The following SGCA variants were observed in gnomAD, a reference collection of about 807,000 sequenced individuals.
SGCA encodes the protein alpha-sarcoglycan.
SGCA carries 34 observed loss-of-function variants against 38.1 expected under a neutral mutation model. That is an observed-to-expected ratio of 0.89 (90% CI 0.68 to 1.19). SGCA has a LOEUF of 1.19. SGCA is among the 50% of genes most tolerant of loss of function. SGCA has a pLI of 0.00. For synonymous variants in SGCA, 209 were observed against 214.6 expected, an observed-to-expected ratio of 0.97 and a Z score of 0.23; for missense variants, 476 against 524.9, an observed-to-expected ratio of 0.91 and a Z score of 0.91.
At chr17:50,166,623 T>C (rs1243512750) in intron 1 of SGCA, among the ~76,000 whole-genome samples, 1 of 151,776 alleles carries the variant, frequency 6.6e-6, no homozygotes, top group Non-Finnish European at 1.5e-5. Flanking sequence ...GCATTTAGCA[T>C]GGGATTCTTT....
chr17:50,170,020 G>T, intron 6 of SGCA, 123 bp from the exon 7 acceptor site: 1 of 795,620 alleles, frequency 1.3e-6, no homozygotes. Flanking sequence ...GCTAACCAGT[G>T]CACTGTCCCG....
At chr17:50,169,778 A>T (rs1342300674) in intron 6 of SGCA, 1 of 410,902 alleles carries the variant, frequency 2.4e-6, no homozygotes, top group Non-Finnish European at 4.6e-6. Context: ...CAGAGCAGGG[A>T]CTCATTCAGG....
chr17:50,171,434 A>G, intron 8 of SGCA: 1 of 447,712 alleles, frequency 2.2e-6, no homozygotes, highest in Non-Finnish European at 4.5e-6. Context: ...GATGTGAAAT[A>G]AGTTATGTTC....
chr17:50,170,173 G>A lies in SGCA; in HGVS notation c.778G>A (p.Glu260Lys), dbSNP rs1370157871. 2 of 1,614,052 alleles carry A rather than the reference G, an allele frequency of 1.2e-6. No individual in the cohort carries two copies. Among genetic ancestry groups the A allele is most frequent in the Non-Finnish European group, 1.7e-6 (2 of 1,180,036 alleles). Residue 260 changes from glutamate (E) to lysine (K), a missense_variant, in exon 7 of 10, where the codon GAG becomes AAG. Glu to Lys is a moderately conservative substitution (Grantham distance 56). Transcript: ENST00000262018. ...VDKSVPEPADEVPTPGDGILE... is the reference protein window; with the variant it reads ...VDKSVPEPADKVPTPGDGILE... ...TAAGTCAGTGCCGGAGCCTGCAGAT[G>A]AGGTGCCCACCCCAGGTGATGGGAT...
chr17:50,175,484 G>A, intron 9 of SGCA, 35 bp downstream of exon 9: 1 of 1,562,006 alleles, frequency 6.4e-7, no homozygotes, highest in Admixed American at 1.7e-5. Flanking sequence ...CTTATTTCTG[G>A]GAACAAGATG....
In SGCA at chr17:50,169,271, G is replaced by T. The variant is rs1314130846; in HGVS notation, c.747+17G>T. 3 of 1,602,200 alleles carry T rather than the reference G, an allele frequency of 1.9e-6. No homozygotes were observed. The African/African-American group carries it at 4.0e-5, about 21-fold the overall frequency. On this transcript the variant is annotated intron_variant, in intron 6 of 9. Coordinates refer to ENST00000262018, the MANE Select transcript of SGCA (RefSeq NM_000023.4). ...GTGACCCTGGTGAGGAGGGACCCTG[G>T]GTCCGGGGGTGGGGTGGGGCATGGC... is the stretch of plus-strand genomic sequence containing the variant.
At chr17:50,166,454 A>G (rs968138308) in intron 1 of SGCA, among the ~76,000 whole-genome samples, 20 of 151,918 alleles carry the variant, frequency 1.3e-4, no homozygotes, top group Non-Finnish European at 2.7e-4. Context: ...CCTCTCTTGG[A>G]CTTAGGATTC....
intron 8 of SGCA, among the ~76,000 whole-genome samples, chr17:50,174,037 G>A (rs1905712159): frequency 6.6e-6 from 1 of 152,190 alleles, no homozygotes; most frequent in Non-Finnish European, 1.5e-5. Context: ...ACCAATTCTT[G>A]GCTGGGTGCA....
chr17:50,168,562 C>T lies in SGCA; in HGVS notation c.574C>T (p.Arg192Ter), dbSNP rs387907298. 8 of 1,566,376 alleles carry T rather than the reference C, an allele frequency of 5.1e-6. No individual in the cohort carries two copies. The highest frequency in any genetic ancestry group is 6.9e-6 in the Non-Finnish European group (8 of 1,154,796). The change falls in exon 5 of 10, where the codon CGA becomes TGA. Residue 192 changes from arginine to a stop codon, truncating the protein, a stop_gained. Coordinates refer to ENST00000262018, the MANE Select transcript of SGCA (RefSeq NM_000023.4). LOFTEE classifies it high-confidence loss of function. ...CCGTGTCCCCCTTCCCATTGAGGGC[C>T]GAAAAGAAGGGTAGGTGTGCAACCC... ...GGRVPLPIEG[R>*]KEGVYIKVGS...
chr17:50,172,126 G>A (rs934137322), intron 8 of SGCA: 29 of 456,400 alleles, frequency 6.4e-5, no homozygotes, highest in Middle Eastern at 3.2e-4. Context: ...GGTGTGTCCC[G>A]GTTCCTGGTC....
chr17:50,169,414 T>TACGC, intron 6 of SGCA, 160 bp downstream of exon 6: 1 of 479,800 alleles, frequency 2.1e-6, no homozygotes, highest in Non-Finnish European at 3.7e-6. Context: ...AGTCTGAGGA[T>TACGC]ACACACACAC....
At chr17:50,173,452 CT>C (rs1349488450) in intron 8 of SGCA, among the ~76,000 whole-genome samples, 67 of 17,046 alleles carry the variant, frequency 3.9e-3, no homozygotes, top group Admixed American at 0.021. Context: ...TGCCGTTTGT[CT>C]GTCTGCCCAA....
At position 50,167,291 on chromosome 17, in the gene SGCA, TTGG is replaced by T; in HGVS notation, c.38-73_38-71del. 5.0e-6 allele frequency: 8 copies of T among 1,602,898 alleles called. No homozygotes were observed. Among genetic ancestry groups the T allele is most frequent in the Non-Finnish European group, 6.8e-6 (8 of 1,172,818 alleles). On this transcript the variant is annotated intron_variant, in intron 1 of 9. Transcript: ENST00000262018. The surrounding 1 kb of genome is among the most constrained non-coding windows in gnomAD (Gnocchi z 4.5). ...TCGGTCCCTTAGGGGCTCCAAGGAC[TTGG>T]TGGGGAAGGGAGCTTATCCCCTGCC...
intron 1 of SGCA, 62 bp downstream of exon 1, chr17:50,166,139 A>G: frequency 7.0e-7 from 1 of 1,436,168 alleles, no homozygotes; most frequent in South Asian, 1.1e-5. Flanking sequence ...TAGGGGTGGT[A>G]AGACGGAGGT....
chr17:50,169,121 CTT>C lies in SGCA; in HGVS notation c.618_619del (p.Ser207TyrfsTer11). 4 of 1,613,970 alleles carry C rather than the reference CTT, an allele frequency of 2.5e-6. No homozygotes were observed. Among genetic ancestry groups the C allele is most frequent in the Non-Finnish European group, 3.4e-6 (4 of 1,180,014 alleles). On this transcript the variant is annotated frameshift_variant, in exon 6 of 10. Coordinates refer to ENST00000262018, the MANE Select transcript of SGCA (RefSeq NM_000023.4). LOFTEE classifies it high-confidence loss of function. ...TACATTAAGGTGGGTTCTGCCTCAC[CTT>C]TTTCTACTTGCCTGAAGATGGTGGC... is the stretch of plus-strand genomic sequence containing the variant.
Position 50,167,563 on chromosome 17 carries a change from C to T in SGCA, c.158-19C>T. The T allele has an allele frequency of 1.2e-6, 2 of 1,613,650 alleles. No individual in the cohort carries two copies. The highest frequency in any genetic ancestry group is 4.5e-5 in the East Asian group (2 of 44,890). ...GGGCTCCTGCTGTGACTCGAATCCC[C>T]TCTCCTCGCTTCCACCAGCTGTCCC... On this transcript the variant is annotated intron_variant, in intron 2 of 9. Transcript: ENST00000262018. This position sits in a 1 kb window ranked among gnomAD's most constrained non-coding sequence, Gnocchi z 4.5.
chr17:50,169,669 A>G, intron 6 of SGCA: 1 of 324,616 alleles, frequency 3.1e-6, no homozygotes, highest in South Asian at 3.4e-5. Context: ...ATAGCTCTTC[A>G]CACTATAAAC....
At position 50,168,424 on chromosome 17, in the gene SGCA, G is replaced by T; in HGVS notation, c.436G>T (p.Glu146Ter). Residue 146 changes from glutamate to a stop codon, truncating the protein, a stop_gained, in exon 5 of 10, where the codon GAG (glutamate) becomes TAG (stop). Coordinates refer to ENST00000262018, the MANE Select transcript of SGCA (RefSeq NM_000023.4). LOFTEE classifies it high-confidence loss of function. The part of the protein sequence containing the change: ...AEFLVRSHDA[E>*]EVLPSTPASR... ...GTTCCTGGTGCGCAGCCACGATGCG[G>T]AGGAGGTGCTGCCCTCAACACCTGC... 6.3e-7 allele frequency: 1 copy of T among 1,591,782 alleles called. No homozygotes were observed. The highest frequency in any genetic ancestry group is 2.3e-5 in the East Asian group (1 of 44,022).
chr17:50,174,825 C>CT (rs1172835808), intron 8 of SGCA, among the ~76,000 whole-genome samples: 8 of 151,632 alleles, frequency 5.3e-5, no homozygotes, highest in African/African-American at 9.7e-5. Context: ...TTTTTTTCTT[C>CT]TTTTTTTTAC....
Sources: allele counts gnomAD v4.1 joint callset (sites outside exome capture counted in the v4.1 genomes callset), GRCh38; gene constraint gnomAD v4.1.1; non-coding constraint Gnocchi (gnomAD v3.1); transcripts MANE v1.5; gene names NCBI Gene and HGNC (gene_info 2026-07-23, HGNC 2026-07-21).